The following STAT4 variants were observed in gnomAD, a reference collection of about 807,000 sequenced individuals.
STAT4 encodes signal transducer and activator of transcription 4.
In STAT4, 42 loss-of-function variants were observed where a neutral mutation model predicts 110.5. The ratio of observed to expected loss-of-function variants is 0.38; its 90% CI spans 0.30 to 0.49. The LOEUF (loss-of-function observed/expected upper bound fraction) is 0.49, where lower values mean the gene tolerates loss of function less well. Ranked by LOEUF, STAT4 falls within the 20% of genes least tolerant of loss-of-function variation. STAT4 has a pLI of 0.95. For missense variants in STAT4, 632 were observed against 887.9 expected (o/e 0.71, Z 3.66); for synonymous variants, 284 against 302.2 (o/e 0.94, Z 0.63).
rs376947712 is a variant in STAT4, at chr2:191,036,211, C to T, written c.1523G>A (p.Arg508His). Residue 508 changes from arginine (R) to histidine (H), a missense_variant, in exon 17 of 24, where the codon CGT becomes CAT. By Grantham distance (29) the Arg-to-His change is conservative (BLOSUM62 0). Around this residue, in one of 4 missense-constraint regions of STAT4, gnomAD observed 488 missense variants for 632.8 expected, o/e 0.77. Transcript: ENST00000392320. ...MSWQFSSYVG[R>H]GLNSDQLHML... is the part of the protein sequence containing the mutation. ...ATGGAGTTGATCTGAGTTAAGACCACGACCAACGTACGATGAAAACTGCCA... is the reference window on the plus strand; with the variant it reads ...ATGGAGTTGATCTGAGTTAAGACCATGACCAACGTACGATGAAAACTGCCA... 5 of 1,614,118 alleles carry T rather than the reference C, an allele frequency of 3.1e-6. No individual in the cohort carries two copies. The highest frequency in any genetic ancestry group is 2.2e-5 in the East Asian group (1 of 44,890).
chr2:191,079,982 C>T (rs1429325057), intron 3 of STAT4, among the ~76,000 whole-genome samples: 1 of 152,024 alleles, frequency 6.6e-6, no homozygotes, highest in African/African-American at 2.4e-5. Flanking sequence ...TTTCTGCATC[C>T]TTGCTGATTT....
intron 3 of STAT4, among the ~76,000 whole-genome samples, chr2:191,118,634 CA>C (rs1215797765): frequency 6.6e-6 from 1 of 152,048 alleles, no homozygotes; most frequent in Admixed American, 6.6e-5. Flanking sequence ...TTTTTAAGAT[CA>C]TTTTTGCATT....
intron 3 of STAT4, among the ~76,000 whole-genome samples, chr2:191,125,637 G>A (rs188369797): frequency 1.8e-4 from 27 of 151,914 alleles, no homozygotes; most frequent in East Asian, 5.8e-4. Context: ...ACAGGTGTAC[G>A]CACGCTACCA....
rs80112286 is a variant in STAT4 at position 191,104,368 on chromosome 2, C to A, written c.274-28043G>T. ...TTTTCCCACGTTTAGTTCTCACTAA[C>A]ATTTATTTTCTAGGAGAAGATGAGG... On this transcript the variant is annotated intron_variant, in intron 3 of 23. Coordinates refer to ENST00000392320, the MANE Select transcript of STAT4 (RefSeq NM_003151.4). This position sits in a 1 kb window ranked among gnomAD's most constrained non-coding sequence, Gnocchi z 4.3. Among the ~76,000 whole-genome samples, 1,589 of 152,156 alleles carry A rather than the reference C, an allele frequency of 0.01. 15 individuals carry two copies. The highest frequency in any genetic ancestry group is 0.041 in the Middle Eastern group (12 of 294).
At chr2:191,081,087 C>T (rs1023389203) in intron 3 of STAT4, among the ~76,000 whole-genome samples, 21 of 152,108 alleles carry the variant, frequency 1.4e-4, no homozygotes, top group Non-Finnish European at 4.4e-5. Flanking sequence ...TGAGAACATG[C>T]TGTGTTTGGT....
At chr2:191,131,825 G>A in intron 3 of STAT4, 1 of 1,423,536 alleles carries the variant, frequency 7.0e-7, no homozygotes, top group Non-Finnish European at 9.2e-7. Context: ...AAGTCCTAGG[G>A]ACAAGATTTG....
At chr2:191,119,172 T>C (rs1233746345) in intron 3 of STAT4, among the ~76,000 whole-genome samples, 1 of 152,162 alleles carries the variant, frequency 6.6e-6, no homozygotes, top group African/African-American at 2.4e-5. Flanking sequence ...CACCTGTGTA[T>C]ACTGGTGAAA....
chr2:191,093,200 C>T (rs1697854095), intron 3 of STAT4, among the ~76,000 whole-genome samples: 1 of 152,264 alleles, frequency 6.6e-6, no homozygotes, highest in East Asian at 1.9e-4. Flanking sequence ...CAGTGGTTCT[C>T]CCAGCACAGT....
At position 191,090,339 on chromosome 2, in the gene STAT4, G is replaced by A. The variant is rs1176589601; in HGVS notation, c.274-14014C>T. On this transcript the variant is annotated intron_variant, in intron 3 of 23. Coordinates refer to ENST00000392320, the MANE Select transcript of STAT4 (RefSeq NM_003151.4). This position sits in a 1 kb window ranked among gnomAD's most constrained non-coding sequence, Gnocchi z 4.2. ...AAATGAATGAATTCGAATGAATGAA[G>A]TTGCTCGCCTCCTCACTCAAAGTTA... is the stretch of plus-strand genomic sequence containing the variant. 1.3e-5 allele frequency among the ~76,000 whole-genome samples: 2 copies of A among 152,062 alleles called. No individual in the cohort carries two copies.
intron 3 of STAT4, among the ~76,000 whole-genome samples, chr2:191,093,567 C>A (rs187048284): frequency 6.6e-6 from 1 of 152,262 alleles, no homozygotes; most frequent in East Asian, 1.9e-4. Flanking sequence ...ATATCCACAT[C>A]AAAACCCCAT....
In STAT4 at chr2:191,150,525, G is replaced by T. The variant is rs1699566890; in HGVS notation, c.-2+422C>A. On this transcript the variant is annotated intron_variant, in intron 1 of 23. Coordinates refer to ENST00000392320, the MANE Select transcript of STAT4 (RefSeq NM_003151.4). This position sits in a 1 kb window ranked among gnomAD's most constrained non-coding sequence, Gnocchi z 6.4. ...TGACCTGCCCTAAAATGTCACTCGC[G>T]CCCATCAAAGCCACAGTCACCGGCT... Among the ~76,000 whole-genome samples, 2 of 152,154 alleles carry T rather than the reference G, an allele frequency of 1.3e-5. No homozygotes were observed. The highest frequency in any genetic ancestry group is 4.1e-4 in the South Asian group (2 of 4,828).
At position 191,148,001 on chromosome 2, in the gene STAT4, C is replaced by T. The variant is rs567496761; in HGVS notation, c.128+75G>A. The stretch of plus-strand genomic sequence containing the variant: ...TGCATCTACTGAGTAAAAAGTGGAC[C>T]ATAAAATAAATTCACATGGATAGAG... On this transcript the variant is annotated intron_variant, in intron 2 of 23. Transcript: ENST00000392320. 7.5e-5 allele frequency: 119 copies of T among 1,587,630 alleles called. 1 individual carries two copies. Among genetic ancestry groups the T allele is most frequent in the South Asian group, 2.3e-4 (20 of 87,248 alleles).
intron 3 of STAT4, among the ~76,000 whole-genome samples, chr2:191,092,337 G>A (rs988520569): frequency 6.6e-6 from 1 of 152,146 alleles, no homozygotes; most frequent in African/African-American, 2.4e-5. Context: ...CCGGGAGGTG[G>A]AGGTTGCAGT....
rs955548787 is a variant in STAT4, at chr2:191,083,182, T to G, written c.274-6857A>C. ...AGGATTCCAGTGCAAGTCGTTTAAGTGGGAGTTGGTCCCACAAAACACTGT... is the reference window on the plus strand; with the variant it reads ...AGGATTCCAGTGCAAGTCGTTTAAGGGGGAGTTGGTCCCACAAAACACTGT... On this transcript the variant is annotated intron_variant, in intron 3 of 23. Transcript: ENST00000392320. This position sits in a 1 kb window ranked among gnomAD's most constrained non-coding sequence, Gnocchi z 4.6. 2.0e-5 allele frequency among the ~76,000 whole-genome samples: 3 copies of G among 152,134 alleles called. No individual in the cohort carries two copies. The highest frequency in any genetic ancestry group is 6.6e-5 in the Admixed American group (1 of 15,260).
In STAT4 at chr2:191,031,932, C is replaced by T. The variant is rs1226557376; in HGVS notation, c.2045-416G>A. On this transcript the variant is annotated intron_variant, in intron 21 of 23. Transcript: ENST00000392320. The surrounding 1 kb of genome is among the most constrained non-coding windows in gnomAD (Gnocchi z 4.8). ...TATGATTGCAAACGTTCTTGAAGTA[C>T]AGATGTCAGTGTTCCCAAAAGTATC... Among the ~76,000 whole-genome samples the T allele has an allele frequency of 6.6e-6, 1 of 152,176 alleles. No homozygotes were observed. Among genetic ancestry groups the T allele is most frequent in the Admixed American group, 6.5e-5 (1 of 15,282 alleles).
chr2:191,134,448 A>T (rs1158106164), intron 3 of STAT4, among the ~76,000 whole-genome samples: 3 of 152,172 alleles, frequency 2.0e-5, no homozygotes, highest in Non-Finnish European at 4.4e-5. Flanking sequence ...CCAAGGACAG[A>T]CATGGTCAGC....
At chr2:191,036,068 C>A in intron 17 of STAT4, 96 bp downstream of exon 17, 2 of 1,379,748 alleles carry the variant, frequency 1.4e-6, no homozygotes, top group Non-Finnish European at 2.0e-6. Flanking sequence ...TTATGATTAT[C>A]ATCTTTATTA....
At chr2:191,034,159 A>G (rs1395844109) in intron 18 of STAT4, among the ~76,000 whole-genome samples, 154 bp from the exon 19 acceptor site, 2 of 152,154 alleles carry the variant, frequency 1.3e-5, no homozygotes, top group African/African-American at 2.4e-5. Context: ...GTGGTGGCTC[A>G]TGCCTGTAAT....
At chr2:191,063,601 T>A (rs1294416991) in intron 8 of STAT4, among the ~76,000 whole-genome samples, 1 of 152,156 alleles carries the variant, frequency 6.6e-6, no homozygotes, top group East Asian at 1.9e-4. Flanking sequence ...AGACAGAACA[T>A]CTTATCAGAC....
Sources: gnomAD v4.1 joint callset for allele counts (sites outside exome capture counted in the v4.1 genomes callset) on GRCh38, gnomAD v4.1.1 for gene constraint, gnomAD v4.1.1 regional missense constraint, Gnocchi (gnomAD v3.1) non-coding constraint, MANE v1.5 for transcripts, NCBI Gene and HGNC (gene_info 2026-07-23, HGNC 2026-07-21) for gene names.